Variants in SLCO4C1 observed in about 807,000 individuals in gnomAD.
SLCO4C1 encodes solute carrier organic anion transporter family member 4C1.
In SLCO4C1, 58 loss-of-function variants were observed where a neutral mutation model predicts 72.1. That is an observed-to-expected ratio of 0.80 (90% CI 0.65 to 1.00). The LOEUF is 1.00. Ranked by LOEUF, SLCO4C1 falls within the 50% of genes least tolerant of loss-of-function variation. The pLI, the probability that SLCO4C1 is intolerant of heterozygous loss-of-function variation, is 0.00. For missense variants in SLCO4C1, 898 were observed against 857.9 expected (o/e 1.05, Z -0.58); for synonymous variants, 297 against 312.5 (o/e 0.95, Z 0.52).
chr5:102,243,128 G>A (rs1009085418), intron 10 of SLCO4C1, among the ~76,000 whole-genome samples: 1 of 152,168 alleles, frequency 6.6e-6, no homozygotes, highest in Non-Finnish European at 1.5e-5. Flanking sequence ...TTTGCAAAGG[G>A]GAAAGAAGAG....
At chr5:102,265,005 G>T (rs149111266) in intron 3 of SLCO4C1, among the ~76,000 whole-genome samples, 1 of 151,220 alleles carries the variant, frequency 6.6e-6, no homozygotes, top group Non-Finnish European at 1.5e-5. Flanking sequence ...TATACATTTC[G>T]CATTTTCTTT....
chr5:102,240,647 A>G lies in SLCO4C1; in HGVS notation c.1876+71T>C, dbSNP rs146354093. On this transcript the variant is annotated intron_variant, in intron 11 of 12. Transcript: ENST00000310954. ...TAATTTTTTTTGCCACAGGCCATAA[A>G]TTAAAAAATAAATAACACTAATGAA... 42 of 1,287,458 alleles carry G rather than the reference A, an allele frequency of 3.3e-5. No homozygotes were observed. The African/African-American group carries it at 5.9e-4, about 18-fold the overall frequency. 79.8% of individuals were successfully genotyped at this position (1,287,458 alleles called of 1,614,324 possible).
Position 102,295,908 on chromosome 5 carries a change from C to T in SLCO4C1, c.355G>A (p.Gly119Ser). 3 of 1,611,474 alleles carry T rather than the reference C, an allele frequency of 1.9e-6. No individual in the cohort carries two copies. Among genetic ancestry groups the T allele is most frequent in the Non-Finnish European group, 2.5e-6 (3 of 1,177,988 alleles). The change falls in exon 1 of 13, where the codon GGT becomes AGT. Residue 119 changes from glycine to serine, a missense_variant and splice_region_variant. Transcript: ENST00000310954. ...LHYCLLAVTQ[G>S]IVVNGLVNIS... is the part of the protein sequence containing the mutation. ...GCCTCAAGCGGGCGCTGGACTTTAC[C>T]TTGCGTGACGGCCAAGAGGCAGTAG... is the stretch of plus-strand genomic sequence containing the variant.
intron 3 of SLCO4C1, among the ~76,000 whole-genome samples, chr5:102,264,121 C>G (rs1468889324): frequency 6.6e-6 from 1 of 152,028 alleles, no homozygotes; most frequent in Non-Finnish European, 1.5e-5. Context: ...ATGAAGAAAA[C>G]AATGCAAGCA....
intron 10 of SLCO4C1, among the ~76,000 whole-genome samples, chr5:102,241,966 C>T (rs999658104): frequency 2.0e-5 from 3 of 152,078 alleles, no homozygotes; most frequent in Non-Finnish European, 4.4e-5. Flanking sequence ...AAAAACAGTC[C>T]TGAATCTCAG....
intron 8 of SLCO4C1, among the ~76,000 whole-genome samples, chr5:102,253,815 A>G (rs1237722347): frequency 3.9e-5 from 6 of 151,940 alleles, no homozygotes; most frequent in South Asian, 2.1e-4. Flanking sequence ...AAAAAAAAAA[A>G]AAGAAAAGAA....
At position 102,239,126 on chromosome 5, in the gene SLCO4C1, C is replaced by T. The variant is rs565114260; in HGVS notation, c.2014+125G>A. On this transcript the variant is annotated intron_variant, in intron 12 of 12. Transcript: ENST00000310954. ...AATGTTCTCTGCTTCAGGAAGACTA[C>T]TGGATGGTTCAACAATGTGGACTGA... 6 of 788,680 alleles carry T rather than the reference C, an allele frequency of 7.6e-6. No homozygotes were observed. The South Asian group carries it at 1.1e-4, about 14-fold the overall frequency. The allele number at this position is 788,680 out of a possible 1,614,324, so 48.9% of individuals were successfully genotyped here. A position where few individuals can be genotyped will look rare whatever the true frequency, so the allele number is the denominator to read the frequency against.
At position 102,239,366 on chromosome 5, in the gene SLCO4C1, T is replaced by C. The variant is rs1266986857; in HGVS notation, c.1899A>G (p.Ile633Met). ...RLLGTIPGPI[I>M]FGFTIDSTCI... ...ATGTGCTGTCTATTGTGAAACCAAA[T>C]ATAATTGGTCCAGGAATTGTCCCTA... is the stretch of plus-strand genomic sequence containing the variant. Residue 633 changes from isoleucine (I) to methionine (M), a missense_variant, in exon 12 of 13, where the codon ATA becomes ATG. Coordinates refer to ENST00000310954, the MANE Select transcript of SLCO4C1 (RefSeq NM_180991.5). 1 of 1,590,950 alleles carries C rather than the reference T, an allele frequency of 6.3e-7. No homozygotes were observed. The highest frequency in any genetic ancestry group is 1.2e-5 in the South Asian group (1 of 85,302).
At chr5:102,277,927 GA>G (rs758707936) in intron 2 of SLCO4C1, among the ~76,000 whole-genome samples, 18 of 152,058 alleles carry the variant, frequency 1.2e-4, no homozygotes, top group Admixed American at 4.6e-4. Context: ...TCACATTCAG[GA>G]AAGCAAGAAG....
chr5:102,246,742 T>C (rs1343741854), intron 10 of SLCO4C1, among the ~76,000 whole-genome samples: 2 of 152,038 alleles, frequency 1.3e-5, no homozygotes, highest in African/African-American at 4.8e-5. Flanking sequence ...AGGACAGGTA[T>C]GAAATGTACA....
chr5:102,282,636 G>A (rs1427735510), intron 2 of SLCO4C1, among the ~76,000 whole-genome samples: 1 of 151,986 alleles, frequency 6.6e-6, no homozygotes, highest in East Asian at 1.9e-4. Context: ...GTAAAAAGAA[G>A]TCAACGTTCC....
chr5:102,263,374 T>C (rs1294566724), intron 4 of SLCO4C1, among the ~76,000 whole-genome samples: 1 of 152,142 alleles, frequency 6.6e-6, no homozygotes, highest in Non-Finnish European at 1.5e-5. Context: ...ATACTGCTAA[T>C]TTTTATTGAA....
intron 9 of SLCO4C1, among the ~76,000 whole-genome samples, chr5:102,249,077 G>A (rs1037434788): frequency 6.6e-6 from 1 of 152,142 alleles, no homozygotes; most frequent in African/African-American, 2.4e-5. Context: ...ACTGTACCTA[G>A]TGAAAATAGG....
At position 102,285,212 on chromosome 5, in the gene SLCO4C1, T is replaced by TACACACACACACACACACAC. The variant is rs3070619; in HGVS notation, c.619+6111_619+6130dup. Among the ~76,000 whole-genome samples the TACACACACACACACACACAC allele has an allele frequency of 1.4e-3, 213 of 147,954 alleles. 1 individual carries two copies. The highest frequency in any genetic ancestry group is 5.2e-3 in the African/African-American group (209 of 39,812). ...ATCCAGGATAATTCATATATATACA[T>TACACACACACACACACACAC]ACACACACACACACACACACACACA... On this transcript the variant is annotated intron_variant, in intron 2 of 12. Coordinates refer to ENST00000310954, the MANE Select transcript of SLCO4C1 (RefSeq NM_180991.5).
At chr5:102,251,586 T>C (rs1446193841) in intron 8 of SLCO4C1, among the ~76,000 whole-genome samples, 1 of 143,154 alleles carries the variant, frequency 7.0e-6, no homozygotes, top group Non-Finnish European at 1.6e-5. Flanking sequence ...TGAGATCCCA[T>C]TTCCAAAAAA....
chr5:102,276,299 C>T (rs1195750830), intron 2 of SLCO4C1, among the ~76,000 whole-genome samples: 1 of 152,194 alleles, frequency 6.6e-6, no homozygotes, highest in Non-Finnish European at 1.5e-5. Context: ...AAGAAACCCA[C>T]AAAAAGCTAT....
intron 2 of SLCO4C1, among the ~76,000 whole-genome samples, chr5:102,289,874 T>C (rs1295378055): frequency 6.6e-6 from 1 of 151,114 alleles, no homozygotes; most frequent in African/African-American, 2.5e-5. Flanking sequence ...CCTACTTACC[T>C]AATAAGTGCA....
intron 2 of SLCO4C1, among the ~76,000 whole-genome samples, chr5:102,287,316 T>C (rs1183885126): frequency 2.0e-5 from 3 of 152,132 alleles, no homozygotes; most frequent in East Asian, 3.8e-4. Context: ...TGTACCTGAC[T>C]ACTAGAAGTT....
At chr5:102,246,950 T>C (rs1342434019) in intron 10 of SLCO4C1, among the ~76,000 whole-genome samples, 1 of 152,190 alleles carries the variant, frequency 6.6e-6, no homozygotes, top group African/African-American at 2.4e-5. Flanking sequence ...ATTTTATTTC[T>C]ATGATACTCA....
Sources: allele counts gnomAD v4.1 joint callset (sites outside exome capture counted in the v4.1 genomes callset), GRCh38; gene constraint gnomAD v4.1.1; transcripts MANE v1.5; gene names NCBI Gene and HGNC (gene_info 2026-07-23, HGNC 2026-07-21).